Variants in SFI1 observed in about 807,000 individuals in gnomAD.
SFI1 encodes protein SFI1 homolog.
Under a neutral mutation model 207.5 loss-of-function variants are expected in SFI1, and 195 were observed. That is an observed-to-expected ratio of 0.94 (90% CI 0.84 to 1.06). The LOEUF (loss-of-function observed/expected upper bound fraction) is 1.06, where lower values mean the gene tolerates loss of function less well. Ranked by LOEUF, SFI1 falls within the 50% of genes least tolerant of loss-of-function variation. The pLI is 0.00. For synonymous variants in SFI1, 630 were observed against 598.9 expected, an observed-to-expected ratio of 1.05 and a Z score of -0.76; for missense variants, 1,634 against 1,588.0, an observed-to-expected ratio of 1.03 and a Z score of -0.49.
chr22:31,615,168 CCT>C lies in SFI1; in HGVS notation c.3190_3191del (p.Leu1064ValfsTer45). On this transcript the variant is annotated frameshift_variant, in exon 29 of 33. Coordinates refer to ENST00000400288, the MANE Select transcript of SFI1 (RefSeq NM_001007467.3). LOFTEE classifies it high-confidence loss of function. ...LVPHSPLPGA[L>X]SSAPGPKQPP... ...TCCCACACAGCCCCCTGCCTGGGGC[CCT>C]GTCAAGCGCCCCTGGCCCGAAGCAG... 6.2e-7 allele frequency: 1 copy of C among 1,605,348 alleles called. No individual in the cohort carries two copies. Among genetic ancestry groups the C allele is most frequent in the Non-Finnish European group, 8.5e-7 (1 of 1,176,940 alleles).
intron 4 of SFI1, among the ~76,000 whole-genome samples, chr22:31,535,679 C>T (rs1027635614): frequency 2.6e-5 from 4 of 151,862 alleles, no homozygotes; most frequent in Admixed American, 6.6e-5. Context: ...CCACCATGCC[C>T]GGCTAATTTT....
intron 18 of SFI1, 116 bp downstream of exon 18, chr22:31,603,935 G>A (rs867543132): frequency 1.1e-5 from 11 of 981,600 alleles, no homozygotes; most frequent in Middle Eastern, 4.5e-4. Flanking sequence ...GCTGAAGGAG[G>A]AGAACAGGCA....
chr22:31,543,406 C>A (rs1474633192), intron 4 of SFI1, among the ~76,000 whole-genome samples: 1 of 152,142 alleles, frequency 6.6e-6, no homozygotes, highest in Non-Finnish European at 1.5e-5. Context: ...ATTGTATTAA[C>A]CTGTCCTCTT....
At chr22:31,614,953 C>T (rs556267198) in intron 28 of SFI1, 93 bp downstream of exon 28, 42 of 1,574,432 alleles carry the variant, frequency 2.7e-5, no homozygotes, top group Non-Finnish European at 3.5e-5. Context: ...TGTGTTTTGG[C>T]AGCCCTGGGG....
Position 31,613,822 on chromosome 22 carries a change from G to A in SFI1, c.2963G>A (p.Arg988His), listed in dbSNP as rs71331296. 8.0e-5 allele frequency: 129 copies of A among 1,609,064 alleles called. 1 individual carries two copies. The highest frequency in any genetic ancestry group is 7.6e-4 in the Admixed American group (45 of 59,576). ...TCTCGGCCTCTGGGAGCTCTGGGCC[G>A]CCTGGCTGCTGAGGAGCCCCACGCC... ...QASRPLGALG[R>H]LAAEEPHALE... is the part of the protein sequence containing the mutation. The change falls in exon 27 of 33, where the codon CGC becomes CAC. Residue 988 changes from arginine (R) to histidine (H), a missense_variant. Physicochemically the swap from Arg to His is conservative, Grantham distance 29 (BLOSUM62 0). Transcript: ENST00000400288.
chr22:31,593,262 TCTC>T (rs2066429359), intron 15 of SFI1, among the ~76,000 whole-genome samples: 1 of 121,526 alleles, frequency 8.2e-6, no homozygotes, highest in South Asian at 2.8e-4. Context: ...AGGCAGAGGG[TCTC>T]CTCACTTCTC....
chr22:31,589,209 TGC>T (rs1445211763), intron 14 of SFI1, among the ~76,000 whole-genome samples: 10 of 65,934 alleles, frequency 1.5e-4, no homozygotes, highest in South Asian at 4.0e-4. Context: ...TGTATGTGTG[TGC>T]GTGTGTGTGT....
At chr22:31,559,472 G>A in intron 7 of SFI1, 1 of 468,046 alleles carries the variant, frequency 2.1e-6, no homozygotes, top group South Asian at 1.9e-5. Flanking sequence ...ACCGCCAGTT[G>A]TGTTCCTGCT....
At chr22:31,568,547 A>T (rs1171888008) in intron 8 of SFI1, among the ~76,000 whole-genome samples, 2 of 150,636 alleles carry the variant, frequency 1.3e-5, no homozygotes, top group Non-Finnish European at 3.0e-5. Context: ...AAAAAAAAAA[A>T]AAAAAAAAAG....
chr22:31,548,591 C>T (rs1419678591), intron 5 of SFI1, among the ~76,000 whole-genome samples: 1 of 150,624 alleles, frequency 6.6e-6, no homozygotes, highest in South Asian at 2.1e-4. Context: ...TGCAGTGAGT[C>T]GAGATCGCAC....
intron 6 of SFI1, 66 bp from the exon 7 acceptor site, chr22:31,556,876 T>G: frequency 9.0e-7 from 1 of 1,107,746 alleles, no homozygotes; most frequent in Non-Finnish European, 1.3e-6. Context: ...CCCTTGAGCT[T>G]TTATCATAAC....
chr22:31,568,874 A>C (rs1883898733), intron 8 of SFI1, among the ~76,000 whole-genome samples: 1 of 152,168 alleles, frequency 6.6e-6, no homozygotes, highest in South Asian at 2.1e-4. Flanking sequence ...CAGGAGGATC[A>C]CTTGAGCCCA....
chr22:31,606,693 C>CTTTTTTTTTTTTTTT (rs10524692), intron 21 of SFI1: 1 of 113,204 alleles, frequency 8.8e-6, no homozygotes, highest in African/African-American at 4.7e-5. Context: ...TTCTTTTTTT[C>CTTTTTTTTTTTTTTT]TTTTTTTTTT....
chr22:31,581,309 G>T (rs1228196556), intron 12 of SFI1, among the ~76,000 whole-genome samples: 1 of 151,022 alleles, frequency 6.6e-6, no homozygotes, highest in East Asian at 1.9e-4. Flanking sequence ...TTGAGACAGG[G>T]TCTTGCTCTG....
intron 8 of SFI1, among the ~76,000 whole-genome samples, chr22:31,568,445 C>T (rs1030088811): frequency 7.0e-6 from 1 of 142,454 alleles, no homozygotes; most frequent in African/African-American, 2.6e-5. Context: ...GCACGAGAAT[C>T]ACTTGAATCC....
chr22:31,543,397 T>C (rs750094409), intron 4 of SFI1, among the ~76,000 whole-genome samples: 16 of 152,226 alleles, frequency 1.1e-4, no homozygotes, highest in Non-Finnish European at 1.8e-4. Flanking sequence ...CATTGATTAA[T>C]TGTATTAACC....
intron 10 of SFI1, among the ~76,000 whole-genome samples, chr22:31,576,448 G>A (rs1026642829): frequency 1.3e-5 from 2 of 151,676 alleles, no homozygotes; most frequent in East Asian, 1.9e-4. Flanking sequence ...AGCCTCCTGA[G>A]TAGCTGGGAT....
chr22:31,565,336 G>A (rs1344101290), intron 8 of SFI1, among the ~76,000 whole-genome samples: 1 of 151,976 alleles, frequency 6.6e-6, no homozygotes, highest in African/African-American at 2.4e-5. Flanking sequence ...TCGGGAGGCT[G>A]TGGCAGGATG....
chr22:31,539,682 T>C (rs138368331), intron 4 of SFI1, among the ~76,000 whole-genome samples: 89 of 152,176 alleles, frequency 5.8e-4, no homozygotes, highest in Non-Finnish European at 1.1e-3. Context: ...TTATTGTCTG[T>C]TTATATTTAA....
Sources: allele counts gnomAD v4.1 joint callset (sites outside exome capture counted in the v4.1 genomes callset), GRCh38; gene constraint gnomAD v4.1.1; transcripts MANE v1.5; gene names NCBI Gene and HGNC (gene_info 2026-07-23, HGNC 2026-07-21).